Variants in ITGA1 observed in about 807,000 individuals in gnomAD.
ITGA1 encodes the protein integrin subunit alpha 1.
ITGA1 carries 85 observed loss-of-function variants against 145.9 expected under a neutral mutation model. That is an observed-to-expected ratio of 0.58 (90% CI 0.49 to 0.70). ITGA1 has a LOEUF of 0.70. Ranked by LOEUF, ITGA1 falls within the 30% of genes least tolerant of loss-of-function variation. ITGA1 has a pLI of 0.00. For synonymous variants in ITGA1, 520 were observed against 495.3 expected (o/e 1.05, Z -0.66); for missense variants, 1,351 against 1,418.7 (o/e 0.95, Z 0.77).
chr5:52,942,532 GT>G (rs34805605), intron 26 of ITGA1, among the ~76,000 whole-genome samples: 39,905 of 132,990 alleles, frequency 0.3, 4,954 homozygotes, highest in East Asian at 0.48. Flanking sequence ...TGTAAATGGA[GT>G]TTTTTTTTTT....
chr5:52,788,506 GAAGA>G (rs1748172875), intron 1 of ITGA1, 92 bp downstream of exon 1: 1 of 1,090,724 alleles, frequency 9.2e-7, no homozygotes, highest in Non-Finnish European at 1.2e-6. Flanking sequence ...GGCCAGATAG[GAAGA>G]GAGAGCGCCC....
Position 52,908,902 on chromosome 5 carries a change from G to A in ITGA1, c.1460G>A (p.Gly487Asp). 6.2e-7 allele frequency: 1 copy of A among 1,613,512 alleles called. No individual in the cohort carries two copies. Among genetic ancestry groups the A allele is most frequent in the Non-Finnish European group, 8.5e-7 (1 of 1,179,694 alleles). ...ILQTLSGEQI[G>D]SYFGSILTTT... ...TTGTTTCATTTTGTGTCCTAGATTG[G>A]TTCCTACTTTGGCAGTATTTTAACA... The change falls in exon 13 of 29, where the codon GGT (glycine) becomes GAT (aspartate). Residue 487 changes from glycine to aspartate, a missense_variant. Coordinates refer to ENST00000282588, the MANE Select transcript of ITGA1 (RefSeq NM_181501.2).
chr5:52,951,671 C>G (rs1751222985), intron 28 of ITGA1, among the ~76,000 whole-genome samples: 1 of 152,058 alleles, frequency 6.6e-6, no homozygotes, highest in South Asian at 2.1e-4. Context: ...CATAATATAC[C>G]TGTCAGATTC....
chr5:52,819,712 A>G (rs1748836461), intron 1 of ITGA1, among the ~76,000 whole-genome samples: 2 of 152,208 alleles, frequency 1.3e-5, no homozygotes, highest in Admixed American at 6.5e-5. Flanking sequence ...TTAGACATGA[A>G]GTCCTTGCCC....
chr5:52,845,886 A>T (rs1350097659), intron 1 of ITGA1, among the ~76,000 whole-genome samples: 1 of 152,202 alleles, frequency 6.6e-6, no homozygotes, highest in Non-Finnish European at 1.5e-5. Flanking sequence ...AACCTGTGAG[A>T]GCAAAGAATA....
intron 19 of ITGA1, 88 bp from the exon 20 acceptor site, chr5:52,927,496 C>T: frequency 1.2e-6 from 1 of 868,492 alleles, no homozygotes; most frequent in Non-Finnish European, 1.8e-6. Flanking sequence ...AGGCAGTCAC[C>T]AAGACACATC....
intron 1 of ITGA1, among the ~76,000 whole-genome samples, chr5:52,844,544 C>T (rs1199090108): frequency 2.0e-5 from 3 of 152,062 alleles, no homozygotes; most frequent in Non-Finnish European, 2.9e-5. Context: ...CTTTCTTCTC[C>T]TTATTTTCAG....
In ITGA1 at chr5:52,835,003, G is replaced by A. The variant is rs142853327; in HGVS notation, c.62-14362G>A. Reference sequence around the variant, plus strand: ...AGGATAAAAGAGAAAGTAGAAGGACGTAAAAGGCATTCTGAGTTGAATCAG... The same window carrying A: ...AGGATAAAAGAGAAAGTAGAAGGACATAAAAGGCATTCTGAGTTGAATCAG... On this transcript the variant is annotated intron_variant, in intron 1 of 28. Coordinates refer to ENST00000282588, the MANE Select transcript of ITGA1 (RefSeq NM_181501.2). Among the ~76,000 whole-genome samples, 420 of 152,218 alleles carry A rather than the reference G, an allele frequency of 2.8e-3. 1 individual carries two copies. Among genetic ancestry groups the A allele is most frequent in the African/African-American group, 9.4e-3 (390 of 41,538 alleles).
chr5:52,861,177 A>T (rs1308252245), intron 2 of ITGA1, among the ~76,000 whole-genome samples: 1 of 152,166 alleles, frequency 6.6e-6, no homozygotes, highest in Non-Finnish European at 1.5e-5. Flanking sequence ...ATACATGTAT[A>T]TACACACATA....
At chr5:52,809,136 C>T (rs1043270982) in intron 1 of ITGA1, among the ~76,000 whole-genome samples, 1 of 152,154 alleles carries the variant, frequency 6.6e-6, no homozygotes, top group East Asian at 1.9e-4. Flanking sequence ...CTATAGGGAA[C>T]TCTTCCTGCC....
intron 18 of ITGA1, among the ~76,000 whole-genome samples, chr5:52,923,901 T>C (rs187226488): frequency 6.6e-6 from 1 of 152,330 alleles, no homozygotes; most frequent in African/African-American, 2.4e-5. Context: ...GGAGCCCACC[T>C]TGTAAAACTT....
chr5:52,835,392 T>C (rs10043957), intron 1 of ITGA1, among the ~76,000 whole-genome samples: 3,942 of 152,210 alleles, frequency 0.026, 194 homozygotes, highest in African/African-American at 0.091. Context: ...GAAGAATGAT[T>C]ATCAACGGGG....
chr5:52,853,988 T>A (rs992413951), intron 2 of ITGA1, among the ~76,000 whole-genome samples: 5 of 152,188 alleles, frequency 3.3e-5, no homozygotes, highest in African/African-American at 1.2e-4. Flanking sequence ...CTTTCCACTC[T>A]AATCTGTTGC....
intron 1 of ITGA1, among the ~76,000 whole-genome samples, chr5:52,793,706 A>C (rs2111645242): frequency 6.6e-6 from 1 of 152,168 alleles, no homozygotes; most frequent in Non-Finnish European, 1.5e-5. Context: ...TGTTCCTCTC[A>C]GTTCTCTTCA....
intron 18 of ITGA1, 84 bp from the exon 19 acceptor site, chr5:52,925,194 G>T: frequency 1.0e-6 from 1 of 984,026 alleles, no homozygotes. Flanking sequence ...TTGGCTGTAT[G>T]CCATTTTTGT....
chr5:52,860,331 T>C (rs1749578726), intron 2 of ITGA1, among the ~76,000 whole-genome samples: 1 of 152,158 alleles, frequency 6.6e-6, no homozygotes, highest in Admixed American at 6.6e-5. Flanking sequence ...GCGGATCACG[T>C]GGTCAAGAGA....
intron 1 of ITGA1, among the ~76,000 whole-genome samples, chr5:52,837,177 A>G (rs1258500879): frequency 1.3e-5 from 2 of 152,202 alleles, no homozygotes; most frequent in African/African-American, 4.8e-5. Context: ...GATGAATTAA[A>G]TTCCCACTAC....
rs1302704537 is a variant in ITGA1 at position 52,911,659 on chromosome 5, C to CTG, written c.1857+1241_1857+1242insGT. ...ATATATAGTGTATCTACTATATATA[C>CTG]TATACATATAGTGTATCTACTATAT... On this transcript the variant is annotated intron_variant, in intron 14 of 28. Coordinates refer to ENST00000282588, the MANE Select transcript of ITGA1 (RefSeq NM_181501.2). Among the ~76,000 whole-genome samples the CTG allele has an allele frequency of 3.8e-3, 465 of 123,244 alleles. 53 individuals are homozygous for CTG. Among genetic ancestry groups the CTG allele is most frequent in the African/African-American group, 0.012 (395 of 32,386 alleles). The allele number at this position is 123,244 out of a possible 152,430, so 80.9% of individuals were successfully genotyped here. A position where few individuals can be genotyped will look rare whatever the true frequency, so the allele number is the denominator to read the frequency against.
chr5:52,919,016 G>A, intron 16 of ITGA1, 118 bp downstream of exon 16: 1 of 882,114 alleles, frequency 1.1e-6, no homozygotes, highest in Non-Finnish European at 1.6e-6. Context: ...CGTCATATTT[G>A]CCCCAGTGAA....
Sources: allele counts gnomAD v4.1 joint callset (sites outside exome capture counted in the v4.1 genomes callset), GRCh38; gene constraint gnomAD v4.1.1; transcripts MANE v1.5; gene names NCBI Gene and HGNC (gene_info 2026-07-23, HGNC 2026-07-21).